The following MGAT4C variants were observed in gnomAD, a reference collection of about 807,000 sequenced individuals.
MGAT4C encodes MGAT4 family member C.
A neutral mutation model predicts 40.1 loss-of-function variants in MGAT4C; 19 were observed. That is an observed-to-expected ratio of 0.47 (90% confidence interval 0.33 to 0.70). The LOEUF is 0.70. Among genes scored for constraint, MGAT4C ranks in the 30% least tolerant of loss-of-function variants. MGAT4C has a pLI of 0.02. For synonymous variants in MGAT4C, 181 were observed against 187.1 expected (o/e 0.97, Z 0.27); for missense variants, 491 against 563.2 (o/e 0.87, Z 1.30).
intron 3 of MGAT4C, among the ~76,000 whole-genome samples, chr12:86,424,103 A>G (rs1956880347): frequency 6.6e-6 from 1 of 152,248 alleles, no homozygotes; most frequent in Non-Finnish European, 1.5e-5. Flanking sequence ...CTTAAACTTC[A>G]TTAACCAACA....
At chr12:86,132,337 A>G (rs1317674810) in intron 1 of MGAT4C, among the ~76,000 whole-genome samples, 1 of 151,884 alleles carries the variant, frequency 6.6e-6, no homozygotes, top group Non-Finnish European at 1.5e-5. Flanking sequence ...AATTGATTCT[A>G]AAATTCAACA....
At chr12:86,054,033 T>C (rs1174532472) in intron 1 of MGAT4C, among the ~76,000 whole-genome samples, 3 of 151,874 alleles carry the variant, frequency 2.0e-5, no homozygotes, top group African/African-American at 4.8e-5. Context: ...AACAGTATGA[T>C]AGTTTCTCAA....
In MGAT4C at chr12:85,976,707, A is replaced by C. The variant is rs952628600; in HGVS notation, c.*2582T>G. 1.4e-5 allele frequency: 2 copies of C among 147,274 alleles called. No homozygotes were observed. The highest frequency in any genetic ancestry group is 3.0e-5 in the Non-Finnish European group (2 of 66,490). 9.1% of individuals were successfully genotyped at this position (147,274 alleles called of 1,614,324 possible). Reference sequence around the variant, plus strand: ...ATATATGTATTATATATGTATATATATATAAACTTACAGCAAAAATGTTTA... The same window carrying C: ...ATATATGTATTATATATGTATATATCTATAAACTTACAGCAAAAATGTTTA... On this transcript the variant is annotated 3_prime_UTR_variant, in exon 5 of 5. Coordinates refer to ENST00000611864, the MANE Select transcript of MGAT4C (RefSeq NM_001351288.2).
intron 2 of MGAT4C, among the ~76,000 whole-genome samples, chr12:86,492,740 AG>A (rs1476101473): frequency 2.6e-5 from 4 of 152,210 alleles, no homozygotes; most frequent in Non-Finnish European, 5.9e-5. Flanking sequence ...GGCATGGGCA[AG>A]GACTTCATGT....
intron 1 of MGAT4C, chr12:86,068,535 A>C (rs1894776839): frequency 6.7e-6 from 1 of 148,780 alleles, no homozygotes; most frequent in South Asian, 2.1e-4. Context: ...ATATATAGAT[A>C]AATATGAATA....
intron 2 of MGAT4C, among the ~76,000 whole-genome samples, chr12:86,554,429 A>AT (rs977338249): frequency 6.6e-6 from 1 of 152,048 alleles, no homozygotes; most frequent in Non-Finnish European, 1.5e-5. Context: ...AAATTAACTC[A>AT]TTTTTTGTCT....
At chr12:86,185,275 T>TGAATAAAA (rs1888631125) in intron 1 of MGAT4C, among the ~76,000 whole-genome samples, 1 of 152,180 alleles carries the variant, frequency 6.6e-6, no homozygotes, top group Admixed American at 6.6e-5. Flanking sequence ...ATTTACTATC[T>TGAATAAAA]TCATTTTGGT....
At chr12:86,138,127 C>T (rs572753542) in intron 1 of MGAT4C, among the ~76,000 whole-genome samples, 1 of 152,014 alleles carries the variant, frequency 6.6e-6, no homozygotes, top group Non-Finnish European at 1.5e-5. Context: ...ATACTCCACT[C>T]TATCCTGTTT....
intron 1 of MGAT4C, among the ~76,000 whole-genome samples, chr12:86,123,120 C>T (rs939358263): frequency 6.6e-6 from 1 of 152,130 alleles, no homozygotes; most frequent in Non-Finnish European, 1.5e-5. Flanking sequence ...GCCGACCCTC[C>T]CAGAAATTAC....
intron 2 of MGAT4C, among the ~76,000 whole-genome samples, chr12:86,467,322 A>C (rs1957695932): frequency 1.3e-5 from 2 of 152,174 alleles, no homozygotes; most frequent in Non-Finnish European, 2.9e-5. Context: ...AGGATGGCAA[A>C]ACGACAACAA....
chr12:86,218,963 G>T (rs1441882987), intron 1 of MGAT4C, among the ~76,000 whole-genome samples: 3 of 152,028 alleles, frequency 2.0e-5, no homozygotes, highest in Non-Finnish European at 4.4e-5. Context: ...AATGGATCAC[G>T]AAGTCAAGAG....
At chr12:86,721,928 C>T (rs1187216512) in intron 2 of MGAT4C, among the ~76,000 whole-genome samples, 1 of 151,906 alleles carries the variant, frequency 6.6e-6, no homozygotes, top group Non-Finnish European at 1.5e-5. Context: ...ATGGTTAGCC[C>T]AGATATTATT....
intron 2 of MGAT4C, among the ~76,000 whole-genome samples, chr12:86,704,529 A>G (rs935115208): frequency 2.6e-5 from 4 of 152,152 alleles, no homozygotes; most frequent in Non-Finnish European, 5.9e-5. Context: ...TGTGCTCATC[A>G]CTGTATTAAT....
chr12:86,300,311 C>T (rs1455487224), intron 4 of MGAT4C, among the ~76,000 whole-genome samples: 1 of 152,062 alleles, frequency 6.6e-6, no homozygotes, highest in Non-Finnish European at 1.5e-5. Context: ...TAAATTGTAG[C>T]AGAAACTGGT....
At chr12:86,760,417 T>C (rs947725753) in intron 1 of MGAT4C, among the ~76,000 whole-genome samples, 1 of 151,958 alleles carries the variant, frequency 6.6e-6, no homozygotes, top group Non-Finnish European at 1.5e-5. Flanking sequence ...CTTTTCCAAG[T>C]AGCAAACACC....
chr12:86,529,990 T>C (rs780548499), intron 2 of MGAT4C, among the ~76,000 whole-genome samples: 3 of 151,430 alleles, frequency 2.0e-5, no homozygotes, highest in Non-Finnish European at 3.0e-5. Context: ...GTTGTGGTAA[T>C]GTATTTAAAA....
chr12:86,711,009 T>TA (rs1366352576), intron 2 of MGAT4C, among the ~76,000 whole-genome samples: 1 of 151,940 alleles, frequency 6.6e-6, no homozygotes, highest in African/African-American at 2.4e-5. Flanking sequence ...ATAAGAATGA[T>TA]ATAATGGACT....
intron 2 of MGAT4C, among the ~76,000 whole-genome samples, chr12:86,669,723 G>A (rs117138516): frequency 0.035 from 5,352 of 152,342 alleles, 142 homozygotes; most frequent in Non-Finnish European, 0.048. Flanking sequence ...GGACAGGGGT[G>A]GGCAAGCAGG....
intron 4 of MGAT4C, among the ~76,000 whole-genome samples, chr12:86,310,692 C>T (rs1000788923): frequency 2.0e-5 from 3 of 151,998 alleles, no homozygotes; most frequent in Non-Finnish European, 4.4e-5. Context: ...GGGGCTAAGG[C>T]GGGCAGATTG....
Sources: allele counts gnomAD v4.1 joint callset (sites outside exome capture counted in the v4.1 genomes callset), GRCh38; gene constraint gnomAD v4.1.1; transcripts MANE v1.5; gene names NCBI Gene and HGNC (gene_info 2026-07-23, HGNC 2026-07-21).